The following SCRIB variants were observed in gnomAD, a reference collection of about 807,000 sequenced individuals.
SCRIB encodes the protein scribble planar cell polarity protein.
A neutral mutation model predicts 170.0 loss-of-function variants in SCRIB; 72 were observed. That is an observed-to-expected ratio of 0.42 (90% CI 0.35 to 0.52). The LOEUF is 0.52. SCRIB is among the 20% of genes least tolerant of loss of function. The probability of loss-of-function intolerance (pLI) is 0.02; values close to 1 mark genes in which losing one functional copy is unlikely to be tolerated. For synonymous variants in SCRIB, 1,298 were observed against 1,044.3 expected (o/e 1.24, Z -4.68); for missense variants, 2,475 against 2,338.5 (o/e 1.06, Z -1.20).
intron 24 of SCRIB, among the ~76,000 whole-genome samples, chr8:143,802,189 A>G (rs1290270307): frequency 6.6e-6 from 1 of 152,250 alleles, no homozygotes; most frequent in Non-Finnish European, 1.5e-5. Context: ...CCTCAAGGAC[A>G]GGAGGGGACC....
intron 24 of SCRIB, among the ~76,000 whole-genome samples, chr8:143,797,619 G>A (rs1554634288): frequency 6.6e-6 from 1 of 152,222 alleles, no homozygotes; most frequent in Non-Finnish European, 1.5e-5. Flanking sequence ...CTGGTGGTAG[G>A]CACACAGACA....
At chr8:143,808,470 G>A (rs1360569608) in intron 15 of SCRIB, 139 bp downstream of exon 15, 1 of 1,034,136 alleles carries the variant, frequency 9.7e-7, no homozygotes, top group Non-Finnish European at 1.3e-6. Context: ...GATGCCGACT[G>A]TGGAGCACAC....
rs1554636091 is a variant in SCRIB at position 143,805,022 on chromosome 8, G to A, written c.2671-8C>T. Reference sequence around the variant, plus strand: ...GCGGGAGACGAAGATGCCCTGCAGGGGAGGGTGGAGGAGGCAGGGCTGCCG... The same window carrying A: ...GCGGGAGACGAAGATGCCCTGCAGGAGAGGGTGGAGGAGGCAGGGCTGCCG... On this transcript the variant is annotated splice_polypyrimidine_tract_variant and splice_region_variant and intron_variant, in intron 19 of 36. Coordinates refer to ENST00000356994, the MANE Select transcript of SCRIB (RefSeq NM_182706.5). The A allele has an allele frequency of 6.3e-7, 1 of 1,585,498 alleles. No homozygotes were observed. The highest frequency in any genetic ancestry group is 1.1e-5 in the South Asian group (1 of 87,520).
chr8:143,807,502 A>C, intron 16 of SCRIB, 50 bp downstream of exon 16: 1 of 1,482,838 alleles, frequency 6.7e-7, no homozygotes, highest in Non-Finnish European at 9.4e-7. Flanking sequence ...ACAGCCCGGG[A>C]AGCAAGGCCA....
chr8:143,795,209 G>A (rs955950924), intron 26 of SCRIB, 68 bp downstream of exon 26: 5 of 1,603,400 alleles, frequency 3.1e-6, no homozygotes, highest in Admixed American at 3.3e-5. Flanking sequence ...TTACTACCCA[G>A]CACCCCACAG....
intron 24 of SCRIB, among the ~76,000 whole-genome samples, chr8:143,803,180 C>G (rs1308177417): frequency 6.6e-6 from 1 of 152,116 alleles, no homozygotes; most frequent in African/African-American, 2.4e-5. Flanking sequence ...CTGGACAGCT[C>G]GATGAGCCGG....
At chr8:143,812,190 G>A (rs1563806777) in intron 9 of SCRIB, 76 bp downstream of exon 9, 2 of 972,146 alleles carry the variant, frequency 2.1e-6, no homozygotes, top group South Asian at 2.6e-5. Context: ...CCCAGCAGCA[G>A]ACACAGGCTG....
At chr8:143,797,066 AG>A (rs1554634221) in intron 24 of SCRIB, among the ~76,000 whole-genome samples, 1 of 152,138 alleles carries the variant, frequency 6.6e-6, no homozygotes, top group Admixed American at 6.5e-5. Context: ...CTCCACTAAA[AG>A]GATCCAGCGC....
intron 18 of SCRIB, 70 bp from the exon 19 acceptor site, chr8:143,805,505 C>T: frequency 7.3e-7 from 1 of 1,373,604 alleles, no homozygotes; most frequent in Non-Finnish European, 9.6e-7. Context: ...CTGGGGGCTC[C>T]ACACGCTCCC....
chr8:143,805,611 G>C (rs1203533448), intron 18 of SCRIB, among the ~76,000 whole-genome samples, 176 bp from the exon 19 acceptor site: 1 of 152,114 alleles, frequency 6.6e-6, no homozygotes, highest in African/African-American at 2.4e-5. Context: ...CGTGGGCACC[G>C]ACCCCTCCCC....
In SCRIB at chr8:143,792,507, C is replaced by T; in HGVS notation, c.4306G>A (p.Ala1436Thr). The T allele has an allele frequency of 1.3e-6, 2 of 1,552,512 alleles. No homozygotes were observed. The highest frequency in any genetic ancestry group is 8.7e-7 in the Non-Finnish European group (1 of 1,155,502). Residue 1436 changes from alanine to threonine, a missense_variant, in exon 31 of 37, where the codon GCC (alanine) becomes ACC (threonine). Ala to Thr is a moderately conservative substitution (Grantham distance 58). Coordinates refer to ENST00000356994, the MANE Select transcript of SCRIB (RefSeq NM_182706.5). Reference sequence around the variant, plus strand: ...CACCTTGAGGTGGGGCTCGGGCTGGCCCAGGGTGGCTGCTCATCCTCCTGT... The same window carrying T: ...CACCTTGAGGTGGGGCTCGGGCTGGTCCAGGGTGGCTGCTCATCCTCCTGT... ...EEQEDEQPPW[A>T]SPSPTSRQSP...
intron 1 of SCRIB, chr8:143,814,877 G>T: frequency 3.2e-6 from 1 of 308,518 alleles, no homozygotes; most frequent in Non-Finnish European, 6.0e-6. Flanking sequence ...CCCACCTCCA[G>T]AGCGGCCCAA....
In SCRIB at chr8:143,792,995, G is replaced by C. The variant is rs782291300; in HGVS notation, c.3998C>G (p.Pro1333Arg). 1 of 1,513,826 alleles carries C rather than the reference G, an allele frequency of 6.6e-7. No individual in the cohort carries two copies. Among genetic ancestry groups the C allele is most frequent in the Non-Finnish European group, 8.9e-7 (1 of 1,129,352 alleles). The allele number at this position is 1,513,826 out of a possible 1,614,324, so 93.8% of individuals were successfully genotyped here. A position where few individuals can be genotyped will look rare whatever the true frequency, so the allele number is the denominator to read the frequency against. The stretch of plus-strand genomic sequence containing the variant: ...ACACACCTGGGCAGGGGCATCCTCA[G>C]GCGGGTGAGAAGTGGGCACGGCCGC... Reference protein sequence around the residue: ...AFAAVPTSHPPEDAPAQPPTP... With the variant: ...AFAAVPTSHPREDAPAQPPTP... The change falls in exon 29 of 37, where the codon CCT becomes CGT. Residue 1333 changes from proline to arginine, a missense_variant. Physicochemically the swap from Pro to Arg is moderately radical, Grantham distance 103. Transcript: ENST00000356994.
chr8:143,795,400 C>T lies in SCRIB; in HGVS notation c.3714+20G>A, dbSNP rs185600476. The stretch of plus-strand genomic sequence containing the variant: ...TCGGGCTCCCTGGCCCTGGGGCTGC[C>T]GGCTGCAGGCACCTCTGACCTTGCC... On this transcript the variant is annotated intron_variant, in intron 25 of 36. Coordinates refer to ENST00000356994, the MANE Select transcript of SCRIB (RefSeq NM_182706.5). The T allele has an allele frequency of 2.4e-3, 3,877 of 1,612,432 alleles. 11 individuals carry two copies. Among genetic ancestry groups the T allele is most frequent in the Middle Eastern group, 7.9e-3 (48 of 6,046 alleles).
In SCRIB at chr8:143,806,931, T is replaced by C. The variant is rs1416562016; in HGVS notation, c.2261A>G (p.Asp754Gly). 1.9e-6 allele frequency: 3 copies of C among 1,609,240 alleles called. No individual in the cohort carries two copies. The highest frequency in any genetic ancestry group is 1.3e-5 in the African/African-American group (1 of 74,772). The change falls in exon 17 of 37, where the codon GAC becomes GGC. Residue 754 changes from aspartate (D) to glycine (G), a missense_variant. By Grantham distance (94) the Asp-to-Gly change is moderately conservative. This residue lies in a region of SCRIB where 1,966 missense variants were observed against 1,742.9 expected (regional missense o/e 1.13). Coordinates refer to ENST00000356994, the MANE Select transcript of SCRIB (RefSeq NM_182706.5). The part of the protein sequence containing the change: ...GGKGSTPYKG[D>G]DEGIFISRVS... The stretch of plus-strand genomic sequence containing the variant: ...CTCCTAGGCAGTGCTCACCTCGTCG[T>C]CCCCCTTATAGGGTGTGGAGCCCTT...
In SCRIB at chr8:143,791,708, G is replaced by A; in HGVS notation, c.4728C>T (p.Ala1576=). 5 of 1,603,850 alleles carry A rather than the reference G, an allele frequency of 3.1e-6. No homozygotes were observed. Among genetic ancestry groups the A allele is most frequent in the Non-Finnish European group, 4.3e-6 (5 of 1,172,332 alleles). ...GTCTGGAAGAAGGCAGGGCCGCAAA[G>A]GCCCTGTAGTCAAACTTCTTTCCAG... The part of the protein sequence containing the change: ...PLSGKKFDYR[A]FAALPSSRPV... Residue 1576 remains alanine (A), a synonymous_variant, in exon 35 of 37, where the codon GCC becomes GCT. Coordinates refer to ENST00000356994, the MANE Select transcript of SCRIB (RefSeq NM_182706.5).
chr8:143,812,478 G>A, intron 8 of SCRIB, 94 bp from the exon 9 acceptor site: 1 of 924,572 alleles, frequency 1.1e-6, no homozygotes, highest in South Asian at 1.3e-5. Context: ...AGACAGCAAG[G>A]CCCCCAGCCC....
At chr8:143,803,101 G>A (rs1275897192) in intron 24 of SCRIB, among the ~76,000 whole-genome samples, 9 of 152,142 alleles carry the variant, frequency 5.9e-5, no homozygotes, top group Admixed American at 3.9e-4. Flanking sequence ...ACCAGACCAC[G>A]TAGTGCGTCC....
chr8:143,804,820 A>C lies in SCRIB; in HGVS notation c.2757T>G (p.Asn919Lys). ...GCCTGGCCTCAGTCACGTCCACTCC[A>C]TTAATCTGTGAGAGCGTGCCCGAAT... is the stretch of plus-strand genomic sequence containing the variant. ...LQVGDRVLSI[N>K]GVDVTEARHD... The change falls in exon 21 of 37, where the codon AAT (asparagine) becomes AAG (lysine). Residue 919 changes from asparagine to lysine, a missense_variant. By Grantham distance (94) the Asn-to-Lys change is moderately conservative. Transcript: ENST00000356994. The C allele has an allele frequency of 6.4e-7, 1 of 1,566,920 alleles. No homozygotes were observed. The highest frequency in any genetic ancestry group is 8.6e-7 in the Non-Finnish European group (1 of 1,160,388).
Sources: allele counts gnomAD v4.1 joint callset (sites outside exome capture counted in the v4.1 genomes callset), GRCh38; gene constraint gnomAD v4.1.1; regional missense constraint gnomAD v4.1.1; transcripts MANE v1.5; gene names NCBI Gene and HGNC (gene_info 2026-07-23, HGNC 2026-07-21).